The following CNTNAP2 variants were observed in gnomAD, a reference collection of about 807,000 sequenced individuals.
CNTNAP2 encodes contactin associated protein 2, also known as contactin-associated protein-like 2.
A neutral mutation model predicts 155.2 loss-of-function variants in CNTNAP2; 98 were observed. That is an observed-to-expected ratio of 0.63 (90% CI 0.54 to 0.75). The LOEUF is 0.75. Among genes scored for constraint, CNTNAP2 ranks in the 30% least tolerant of loss-of-function variants. The probability of loss-of-function intolerance (pLI) is 0.00; values close to 1 mark genes in which losing one functional copy is unlikely to be tolerated. For synonymous variants in CNTNAP2, 651 were observed against 631.2 expected, an observed-to-expected ratio of 1.03 and a Z score of -0.47; for missense variants, 1,727 against 1,688.1, an observed-to-expected ratio of 1.02 and a Z score of -0.40.
intron 8 of CNTNAP2, among the ~76,000 whole-genome samples, chr7:147,173,620 G>A (rs890596770): frequency 2.6e-5 from 4 of 152,180 alleles, no homozygotes; most frequent in South Asian, 2.1e-4. Context: ...CTTCAGAAAT[G>A]CTCGATCTGT....
At chr7:148,350,535 A>G (rs184748505) in intron 21 of CNTNAP2, among the ~76,000 whole-genome samples, 336 of 152,306 alleles carry the variant, frequency 2.2e-3, no homozygotes, top group African/African-American at 7.6e-3. Flanking sequence ...ATTATTTTCA[A>G]TGGGGTCGAT....
At chr7:147,258,758 T>G (rs1416668597) in intron 8 of CNTNAP2, among the ~76,000 whole-genome samples, 1 of 152,196 alleles carries the variant, frequency 6.6e-6, no homozygotes, top group Admixed American at 6.5e-5. Context: ...TTGCAGTTCT[T>G]GGTAACAGTT....
chr7:146,795,050 G>A (rs796199251), intron 2 of CNTNAP2, among the ~76,000 whole-genome samples: 7 of 152,210 alleles, frequency 4.6e-5, no homozygotes, highest in African/African-American at 1.7e-4. Flanking sequence ...AGAGTTTTCA[G>A]TGAAAAATTT....
At chr7:146,394,464 G>A (rs1028349053) in intron 1 of CNTNAP2, among the ~76,000 whole-genome samples, 1 of 151,090 alleles carries the variant, frequency 6.6e-6, no homozygotes, top group Admixed American at 6.7e-5. Flanking sequence ...TAAATATAGA[G>A]TCTTTTTTGG....
chr7:146,384,728 A>G (rs2129105566), intron 1 of CNTNAP2, among the ~76,000 whole-genome samples: 1 of 152,310 alleles, frequency 6.6e-6, no homozygotes, highest in East Asian at 1.9e-4. Flanking sequence ...ATGTACATAC[A>G]CACATACTCC....
chr7:147,628,027 G>A (rs772627296), intron 12 of CNTNAP2, among the ~76,000 whole-genome samples: 3 of 151,950 alleles, frequency 2.0e-5, no homozygotes, highest in Non-Finnish European at 2.9e-5. Flanking sequence ...TCTGGAGGAA[G>A]AAGAGAAATT....
At chr7:146,271,948 C>T (rs1208798511) in intron 1 of CNTNAP2, among the ~76,000 whole-genome samples, 1 of 152,124 alleles carries the variant, frequency 6.6e-6, no homozygotes, top group Non-Finnish European at 1.5e-5. Context: ...TGGAATTCTT[C>T]TACCAATAAA....
chr7:147,643,311 G>A (rs1166645994), intron 13 of CNTNAP2: 2 of 152,132 alleles, frequency 1.3e-5, no homozygotes, highest in African/African-American at 2.4e-5. Flanking sequence ...TGATATACCA[G>A]TCTCTAAATA....
At position 146,832,149 on chromosome 7, in the gene CNTNAP2, C is replaced by T. The variant is rs551911779; in HGVS notation, c.209-7562C>T. Among the ~76,000 whole-genome samples the T allele has an allele frequency of 6.6e-5, 10 of 152,242 alleles. 1 individual carries two copies. Among genetic ancestry groups the T allele is most frequent in the African/African-American group, 2.4e-4 (10 of 41,550 alleles). ...GTTTATCCCCCACTGCAAATAAAAT[C>T]TGAGCTCATTAACGAGTTCATTTTA... is the stretch of plus-strand genomic sequence containing the variant. On this transcript the variant is annotated intron_variant, in intron 2 of 23. Coordinates refer to ENST00000361727, the MANE Select transcript of CNTNAP2 (RefSeq NM_014141.6).
intron 8 of CNTNAP2, among the ~76,000 whole-genome samples, chr7:147,187,278 A>AGAGGCTCCCAAGC (rs1802585362): frequency 6.6e-6 from 1 of 152,110 alleles, no homozygotes; most frequent in South Asian, 2.1e-4. Context: ...GGGCATAAAG[A>AGAGGCTCCCAAGC]TAGAGAGGCT....
chr7:147,657,116 T>A (rs1795537298), intron 13 of CNTNAP2, among the ~76,000 whole-genome samples: 1 of 152,202 alleles, frequency 6.6e-6, no homozygotes, highest in African/African-American at 2.4e-5. Flanking sequence ...GGGGCAGACT[T>A]CTTGAAAATA....
intron 14 of CNTNAP2, among the ~76,000 whole-genome samples, chr7:147,966,858 G>A (rs1207937502): frequency 6.6e-6 from 1 of 152,138 alleles, no homozygotes; most frequent in Non-Finnish European, 1.5e-5. Flanking sequence ...GAGGAGGAGT[G>A]TGAACTGTGC....
chr7:146,984,855 T>C (rs939954479), intron 3 of CNTNAP2, among the ~76,000 whole-genome samples: 1 of 152,212 alleles, frequency 6.6e-6, no homozygotes, highest in Non-Finnish European at 1.5e-5. Context: ...TTGCATGCCG[T>C]CAGCTAAACA....
intron 3 of CNTNAP2, among the ~76,000 whole-genome samples, chr7:147,025,157 G>A (rs912053125): frequency 6.7e-6 from 1 of 148,694 alleles, no homozygotes; most frequent in Non-Finnish European, 1.5e-5. Flanking sequence ...GTGGTGGCAC[G>A]CCCCTGTAAT....
chr7:148,184,838 A>G lies in CNTNAP2; in HGVS notation c.3010+12360A>G, dbSNP rs140909710. On this transcript the variant is annotated intron_variant, in intron 18 of 23. Transcript: ENST00000361727. ...ATTCTGTTTCTTTATAAATTGCACT[A>G]ATTATATAAAATTCATTATTCACAA... Among the ~76,000 whole-genome samples, 18 of 152,350 alleles carry G rather than the reference A, an allele frequency of 1.2e-4. No individual in the cohort carries two copies. In the East Asian group the frequency reaches 3.3e-3, roughly 28 times the overall value.
At chr7:147,566,736 T>C (rs1177556782) in intron 12 of CNTNAP2, among the ~76,000 whole-genome samples, 1 of 152,146 alleles carries the variant, frequency 6.6e-6, no homozygotes, top group Non-Finnish European at 1.5e-5. Flanking sequence ...CACTTGGGAA[T>C]TGTGGGGATT....
At chr7:146,681,665 AAAG>A (rs1800507407) in intron 1 of CNTNAP2, among the ~76,000 whole-genome samples, 1 of 15,568 alleles carries the variant, frequency 6.4e-5, no homozygotes, top group African/African-American at 1.5e-4. Context: ...AAAATAACTA[AAAG>A]TAATTGGGTA....
chr7:147,650,072 C>T (rs887402599), intron 13 of CNTNAP2, among the ~76,000 whole-genome samples: 4 of 152,044 alleles, frequency 2.6e-5, no homozygotes, highest in African/African-American at 4.8e-5. Flanking sequence ...GACATTAAAT[C>T]GTAATTTTTT....
At chr7:147,917,396 A>G (rs1043109186) in intron 14 of CNTNAP2, among the ~76,000 whole-genome samples, 1 of 152,234 alleles carries the variant, frequency 6.6e-6, no homozygotes, top group Non-Finnish European at 1.5e-5. Context: ...CCATGCATGT[A>G]AAGGAAGTCC....
Sources: allele counts gnomAD v4.1 joint callset (sites outside exome capture counted in the v4.1 genomes callset), GRCh38; gene constraint gnomAD v4.1.1; transcripts MANE v1.5; gene names NCBI Gene and HGNC (gene_info 2026-07-23, HGNC 2026-07-21).